The following PARD3B variants were observed in gnomAD, a reference collection of about 807,000 sequenced individuals.
PARD3B encodes partitioning defective 3 homolog B.
In PARD3B, 103 loss-of-function variants were observed where a neutral mutation model predicts 130.2. That is an observed-to-expected ratio of 0.79 (90% CI 0.67 to 0.93). PARD3B has a LOEUF of 0.93. Ranked by LOEUF, PARD3B falls within the 40% of genes least tolerant of loss-of-function variation. The pLI, the probability that PARD3B is intolerant of heterozygous loss-of-function variation, is 0.00. For missense variants in PARD3B, 1,609 were observed against 1,499.2 expected (o/e 1.07, Z -1.21); for synonymous variants, 583 against 553.2 (o/e 1.05, Z -0.76).
intron 20 of PARD3B, among the ~76,000 whole-genome samples, chr2:205,486,527 G>A (rs1309036523): frequency 1.3e-5 from 2 of 152,222 alleles, no homozygotes; most frequent in African/African-American, 4.8e-5. Context: ...ACGGTTCCAC[G>A]GGCTGTACGG....
intron 18 of PARD3B, among the ~76,000 whole-genome samples, chr2:205,391,599 G>T (rs1052911733): frequency 3.3e-5 from 5 of 152,168 alleles, no homozygotes; most frequent in Admixed American, 2.6e-4. Flanking sequence ...AGTCACTAAG[G>T]CTCTTGACTA....
chr2:205,544,057 T>C (rs1010616750), intron 21 of PARD3B, among the ~76,000 whole-genome samples: 1 of 151,962 alleles, frequency 6.6e-6, no homozygotes, highest in Non-Finnish European at 1.5e-5. Flanking sequence ...TGTCACAGAG[T>C]GTACAATAAA....
At chr2:204,765,995 G>A (rs1430523364) in intron 2 of PARD3B, among the ~76,000 whole-genome samples, 4 of 152,136 alleles carry the variant, frequency 2.6e-5, no homozygotes, top group African/African-American at 7.2e-5. Context: ...TATTTTGAAA[G>A]CAAATTAATT....
chr2:204,573,263 C>T (rs1399167701), intron 1 of PARD3B, among the ~76,000 whole-genome samples: 1 of 152,194 alleles, frequency 6.6e-6, no homozygotes, highest in Non-Finnish European at 1.5e-5. Context: ...ATCTTTTCCA[C>T]TAGAATGTAA....
chr2:205,418,365 G>A (rs2046853093), intron 19 of PARD3B, among the ~76,000 whole-genome samples: 1 of 152,126 alleles, frequency 6.6e-6, no homozygotes, highest in Non-Finnish European at 1.5e-5. Context: ...CTAGGCACAT[G>A]AGGGAAATGG....
intron 1 of PARD3B, among the ~76,000 whole-genome samples, chr2:204,650,010 A>C (rs1282929740): frequency 6.6e-6 from 1 of 152,216 alleles, no homozygotes; most frequent in African/African-American, 2.4e-5. Flanking sequence ...TTTGAAAACT[A>C]TGCATCTGAC....
At chr2:204,886,468 G>A (rs1575216472) in intron 2 of PARD3B, among the ~76,000 whole-genome samples, 1 of 152,114 alleles carries the variant, frequency 6.6e-6, no homozygotes, top group East Asian at 1.9e-4. Flanking sequence ...GCCTGCCAGC[G>A]CATTGGGTCT....
rs2036182100 is a variant in PARD3B, at chr2:204,669,454, A to G, written c.121-16727A>G. ...ATAACTCACTATATATTTTATATAA[A>G]GTCACCTCTTATAACTTGCATAACA... On this transcript the variant is annotated intron_variant, in intron 1 of 22. Coordinates refer to ENST00000406610, the MANE Select transcript of PARD3B (RefSeq NM_001302769.2). This position sits in a 1 kb window ranked among gnomAD's most constrained non-coding sequence, Gnocchi z 4.3. Among the ~76,000 whole-genome samples, 1 of 152,192 alleles carries G rather than the reference A, an allele frequency of 6.6e-6. No homozygotes were observed. The highest frequency in any genetic ancestry group is 1.5e-5 in the Non-Finnish European group (1 of 68,036).
intron 2 of PARD3B, among the ~76,000 whole-genome samples, chr2:204,889,922 A>G (rs1031576717): frequency 2.0e-5 from 3 of 152,224 alleles, no homozygotes; most frequent in African/African-American, 7.2e-5. Flanking sequence ...TATTCTTTCC[A>G]ACTGGAAGCA....
intron 22 of PARD3B, among the ~76,000 whole-genome samples, chr2:205,595,682 G>A (rs2054544621): frequency 1.3e-5 from 2 of 152,172 alleles, no homozygotes; most frequent in African/African-American, 4.8e-5. Flanking sequence ...TGAACTTACA[G>A]TTTTCTTTGA....
chr2:205,560,546 AAAT>A (rs1378332224), intron 22 of PARD3B, among the ~76,000 whole-genome samples: 2 of 152,164 alleles, frequency 1.3e-5, no homozygotes, highest in Non-Finnish European at 2.9e-5. Context: ...TTAAGATTAG[AAAT>A]AATATCTCCC....
At chr2:205,025,187 C>T (rs765658968) in intron 3 of PARD3B, among the ~76,000 whole-genome samples, 17 of 152,132 alleles carry the variant, frequency 1.1e-4, no homozygotes, top group Admixed American at 5.2e-4. Flanking sequence ...GTTCAGTCTG[C>T]GGCACTTAGA....
At position 205,558,750 on chromosome 2, in the gene PARD3B, T is replaced by A. The variant is rs941970965; in HGVS notation, c.3260+5347T>A. Among the ~76,000 whole-genome samples, 3 of 152,148 alleles carry A rather than the reference T, an allele frequency of 2.0e-5. No homozygotes were observed. The highest frequency in any genetic ancestry group is 6.5e-5 in the Admixed American group (1 of 15,270). The stretch of plus-strand genomic sequence containing the variant: ...CAAAAGTACCTGCCTAACATTCATG[T>A]CCCACTCTTGTGACCCCGTTTGATA... On this transcript the variant is annotated intron_variant, in intron 22 of 22. Transcript: ENST00000406610. The surrounding 1 kb of genome is among the most constrained non-coding windows in gnomAD (Gnocchi z 4.8).
At chr2:204,879,012 G>GCTA (rs1420362918) in intron 2 of PARD3B, among the ~76,000 whole-genome samples, 2 of 151,986 alleles carry the variant, frequency 1.3e-5, no homozygotes, top group Non-Finnish European at 2.9e-5. Context: ...GATGCCCTTA[G>GCTA]CTATTTGGAA....
Position 204,820,382 on chromosome 2 carries a change from A to G in PARD3B, c.222+134100A>G, listed in dbSNP as rs552375679. 3.2e-4 allele frequency among the ~76,000 whole-genome samples: 49 copies of G among 152,008 alleles called. 1 individual carries two copies. The highest frequency in any genetic ancestry group is 1.1e-3 in the African/African-American group (46 of 41,486). On this transcript the variant is annotated intron_variant, in intron 2 of 22. Transcript: ENST00000406610. ...GTGAGCCACCATGCCCATCCTAAAC[A>G]ACAGATTTTTATGTAGACAAAACAG... is the stretch of plus-strand genomic sequence containing the variant.
At chr2:204,775,137 G>C (rs574779512) in intron 2 of PARD3B, among the ~76,000 whole-genome samples, 1 of 151,894 alleles carries the variant, frequency 6.6e-6, no homozygotes, top group Non-Finnish European at 1.5e-5. Flanking sequence ...GATTTTGTTG[G>C]GTAACTTAAA....
intron 2 of PARD3B, among the ~76,000 whole-genome samples, chr2:204,815,214 G>A (rs1052843077): frequency 1.3e-5 from 2 of 151,802 alleles, no homozygotes; most frequent in Non-Finnish European, 3.0e-5. Context: ...ATATATATGG[G>A]ATTATTCAGG....
Position 205,276,547 on chromosome 2 carries a change from G to A in PARD3B, c.2186-23983G>A, listed in dbSNP as rs80004075. 8.9e-3 allele frequency among the ~76,000 whole-genome samples: 1,355 copies of A among 152,272 alleles called. 22 individuals carry two copies. The highest frequency in any genetic ancestry group is 0.03 in the East Asian group (154 of 5,178). The stretch of plus-strand genomic sequence containing the variant: ...CAATGAGGAGCTAGGCGGGGCCTTC[G>A]GGAGCGGGAGCAGCACCCACCATCT... On this transcript the variant is annotated intron_variant, in intron 16 of 22. Coordinates refer to ENST00000406610, the MANE Select transcript of PARD3B (RefSeq NM_001302769.2). The surrounding 1 kb of genome is among the most constrained non-coding windows in gnomAD (Gnocchi z 5.0).
intron 15 of PARD3B, among the ~76,000 whole-genome samples, chr2:205,223,612 T>C (rs2038360939): frequency 7.1e-6 from 1 of 140,930 alleles, no homozygotes; most frequent in African/African-American, 2.8e-5. Flanking sequence ...TTTATGGTCC[T>C]GTATTCAAAA....
Sources: gnomAD v4.1 joint callset for allele counts (sites outside exome capture counted in the v4.1 genomes callset) on GRCh38, gnomAD v4.1.1 for gene constraint, Gnocchi (gnomAD v3.1) non-coding constraint, MANE v1.5 for transcripts, NCBI Gene and HGNC (gene_info 2026-07-23, HGNC 2026-07-21) for gene names.